Variants in PRKAR1B observed in about 807,000 individuals in gnomAD.
The protein encoded by PRKAR1B is cAMP-dependent protein kinase type I-beta regulatory subunit.
PRKAR1B carries 22 observed loss-of-function variants against 46.5 expected under a neutral mutation model. That is an observed-to-expected ratio of 0.47 (90% CI 0.34 to 0.68). The LOEUF (loss-of-function observed/expected upper bound fraction) is 0.68, where lower values mean the gene tolerates loss of function less well. Among genes scored for constraint, PRKAR1B ranks in the 30% least tolerant of loss-of-function variants. The pLI is 0.01. For synonymous variants in PRKAR1B, 259 were observed against 217.7 expected, an observed-to-expected ratio of 1.19 and a Z score of -1.67; for missense variants, 445 against 535.6, an observed-to-expected ratio of 0.83 and a Z score of 1.67.
chr7:726,398 C>T (rs1781280723), intron 1 of PRKAR1B, among the ~76,000 whole-genome samples: 1 of 152,172 alleles, frequency 6.6e-6, no homozygotes, highest in Non-Finnish European at 1.5e-5. Context: ...TTCTCCAAGC[C>T]CCCTAGGCTG....
intron 1 of PRKAR1B, among the ~76,000 whole-genome samples, chr7:718,758 A>G (rs1232429840): frequency 6.6e-6 from 1 of 150,546 alleles, no homozygotes; most frequent in East Asian, 2.0e-4. Flanking sequence ...TTCAACAGAT[A>G]TTAGCATTGT....
chr7:612,346 A>G (rs1034410701), intron 4 of PRKAR1B, among the ~76,000 whole-genome samples: 25 of 125,824 alleles, frequency 2.0e-4, no homozygotes, highest in African/African-American at 7.5e-4. Context: ...AGATTAATGG[A>G]TGGATGGATG....
chr7:704,210 G>A lies in PRKAR1B; in HGVS notation c.177+7119C>T, dbSNP rs192033874. Among the ~76,000 whole-genome samples the A allele has an allele frequency of 1.2e-4, 18 of 151,950 alleles. No homozygotes were observed. The East Asian group carries it at 3.5e-3, about 29-fold the overall frequency. ...AGAAATGAAATAATAAAAATAAGAG[G>A]AGAAACAGATAAAATCTAAACAAAA... On this transcript the variant is annotated intron_variant, in intron 2 of 10. Coordinates refer to ENST00000537384, the MANE Select transcript of PRKAR1B (RefSeq NM_001164760.2).
intron 4 of PRKAR1B, among the ~76,000 whole-genome samples, chr7:617,153 CCAGCT>C (rs1782868543): frequency 6.6e-6 from 1 of 151,978 alleles, no homozygotes; most frequent in African/African-American, 2.4e-5. Flanking sequence ...ACTGCCATGC[CCAGCT>C]AATTTTTGTG....
At chr7:599,001 CG>C (rs200130734) in intron 6 of PRKAR1B, among the ~76,000 whole-genome samples, 447 of 152,360 alleles carry the variant, frequency 2.9e-3, no homozygotes, top group East Asian at 0.013. Context: ...TGTCTCAAAG[CG>C]GGGATCCGTG....
intron 1 of PRKAR1B, among the ~76,000 whole-genome samples, chr7:718,065 C>A (rs1780941141): frequency 6.6e-6 from 1 of 152,002 alleles, no homozygotes; most frequent in African/African-American, 2.4e-5. Context: ...GGCCTCCAGT[C>A]CACAGCTAAG....
At chr7:727,536 G>T, upstream of PRKAR1B, 1 of 266,100 alleles carries the variant, frequency 3.8e-6, no homozygotes, top group Non-Finnish European at 6.7e-6. Flanking sequence ...CCTGCCTCAC[G>T]TCCCGCCACC....
chr7:606,364 C>A lies in PRKAR1B; in HGVS notation c.503-125G>T. On this transcript the variant is annotated intron_variant, in intron 5 of 10. Coordinates refer to ENST00000537384, the MANE Select transcript of PRKAR1B (RefSeq NM_001164760.2). ...CTCGAAGCAACATCCTGGGTGCTAC[C>A]AATTCTTTTTAATGACAAGATTATA... The A allele has an allele frequency of 7.2e-6, 5 of 699,252 alleles. No individual in the cohort carries two copies. In the Admixed American group the frequency reaches 7.9e-5, roughly 11 times the overall value. The allele number at this position is 699,252 out of a possible 1,614,324, so 43.3% of individuals were successfully genotyped here.
chr7:707,675 CCTA>C (rs1780401014), intron 2 of PRKAR1B, among the ~76,000 whole-genome samples: 1 of 152,116 alleles, frequency 6.6e-6, no homozygotes, highest in African/African-American at 2.4e-5. Context: ...GACTAGTGTC[CCTA>C]TGAGAAGGGG....
intron 6 of PRKAR1B, 137 bp from the exon 7 acceptor site, chr7:596,441 G>T: frequency 9.3e-7 from 1 of 1,076,054 alleles, no homozygotes; most frequent in Non-Finnish European, 1.3e-6. Flanking sequence ...TCGCTTGTGG[G>T]CAGAGCCCTG....
intron 2 of PRKAR1B, among the ~76,000 whole-genome samples, chr7:682,531 G>A (rs891671674): frequency 5.9e-5 from 9 of 152,098 alleles, no homozygotes; most frequent in Non-Finnish European, 8.8e-5. Flanking sequence ...GGATCACGAG[G>A]TCAGGAGATC....
chr7:606,298 T>C (rs1782046503), intron 5 of PRKAR1B, 59 bp from the exon 6 acceptor site: 1 of 1,558,848 alleles, frequency 6.4e-7, no homozygotes, highest in Non-Finnish European at 8.8e-7. Flanking sequence ...CAAGTTACAG[T>C]TTCTCTTGCA....
At chr7:579,519 A>G in intron 8 of PRKAR1B, 142 bp from the exon 9 acceptor site, 1 of 1,129,404 alleles carries the variant, frequency 8.9e-7, no homozygotes, top group East Asian at 2.5e-5. Flanking sequence ...GCTGCATAAG[A>G]TGAGGCCGTG....
intron 4 of PRKAR1B, among the ~76,000 whole-genome samples, chr7:637,011 G>A (rs561110048): frequency 6.6e-6 from 1 of 152,316 alleles, no homozygotes; most frequent in South Asian, 2.1e-4. Flanking sequence ...AAGGAGGTGA[G>A]GTGTGGTGGT....
intron 4 of PRKAR1B, among the ~76,000 whole-genome samples, chr7:672,648 A>G (rs1484618766): frequency 1.3e-5 from 2 of 151,776 alleles, no homozygotes; most frequent in Non-Finnish European, 2.9e-5. Context: ...CAGGAGGATC[A>G]CTTGAGGTCA....
chr7:591,139 C>T (rs896847163), intron 7 of PRKAR1B, among the ~76,000 whole-genome samples: 11 of 152,272 alleles, frequency 7.2e-5, no homozygotes, highest in African/African-American at 2.2e-4. Flanking sequence ...CCATCTCTCG[C>T]GGCGGGGTGA....
chr7:597,141 G>A (rs1309796459), intron 6 of PRKAR1B, among the ~76,000 whole-genome samples: 1 of 152,234 alleles, frequency 6.6e-6, no homozygotes, highest in Non-Finnish European at 1.5e-5. Context: ...ATCCCCTCTG[G>A]GTGTCAATGA....
chr7:592,110 C>T (rs897784157), intron 7 of PRKAR1B, among the ~76,000 whole-genome samples: 1 of 152,144 alleles, frequency 6.6e-6, no homozygotes, highest in Non-Finnish European at 1.5e-5. Context: ...AGGCAGGTCC[C>T]GGCTCTGATC....
rs555505752 is a variant in PRKAR1B, at chr7:614,129, G to C, written c.441-6677C>G. Among the ~76,000 whole-genome samples, 595 of 152,346 alleles carry C rather than the reference G, an allele frequency of 3.9e-3. 1 individual carries two copies. The highest frequency in any genetic ancestry group is 9.5e-3 in the Admixed American group (145 of 15,306). On this transcript the variant is annotated intron_variant, in intron 4 of 10. Transcript: ENST00000537384. The stretch of plus-strand genomic sequence containing the variant: ...CTCCACGCCCCGCACGCCCGACCAG[G>C]ACAGGCCAACGCAGGGCTGGGCACT...
Sources: gnomAD v4.1 joint callset for allele counts (sites outside exome capture counted in the v4.1 genomes callset) on GRCh38, gnomAD v4.1.1 for gene constraint, MANE v1.5 for transcripts, NCBI Gene and HGNC (gene_info 2026-07-23, HGNC 2026-07-21) for gene names.